Variants in AGBL4 observed in about 807,000 individuals in gnomAD.
The protein encoded by AGBL4 is cytosolic carboxypeptidase 6.
A neutral mutation model predicts 66.4 loss-of-function variants in AGBL4; 58 were observed. The observed-to-expected ratio is 0.87, with a 90% CI of 0.71 to 1.09. The LOEUF is 1.09. Ranked by LOEUF, AGBL4 falls within the 50% of genes least tolerant of loss-of-function variation. AGBL4 has a pLI of 0.00. For missense variants in AGBL4, 579 were observed against 631.0 expected, an observed-to-expected ratio of 0.92 and a Z score of 0.88; for synonymous variants, 234 against 222.9, an observed-to-expected ratio of 1.05 and a Z score of -0.44.
intron 4 of AGBL4, among the ~76,000 whole-genome samples, chr1:49,229,912 G>A (rs1650178998): frequency 7.4e-6 from 1 of 134,430 alleles, no homozygotes; most frequent in Admixed American, 7.4e-5. Context: ...TGCTGCAATG[G>A]GTGACTCACC....
Position 48,543,178 on chromosome 1 carries a change from G to A in AGBL4, c.1268-3440C>T, listed in dbSNP as rs1182180132. On this transcript the variant is annotated intron_variant, in intron 11 of 13. Transcript: ENST00000371839. ...TAATAAGTGGTAGGTTACCTTCCAC[G>A]TACTGAGAAACAAGACTCACACCCC... Among the ~76,000 whole-genome samples, 9 of 152,016 alleles carry A rather than the reference G, an allele frequency of 5.9e-5. No homozygotes were observed. In the South Asian group the frequency reaches 1.5e-3, roughly 25 times the overall value.
chr1:49,730,338 C>T (rs184312637), intron 2 of AGBL4, among the ~76,000 whole-genome samples: 9 of 152,270 alleles, frequency 5.9e-5, no homozygotes, highest in Middle Eastern at 3.4e-3. Flanking sequence ...CACCGAGCTG[C>T]GGATGGTGTG....
At chr1:49,320,079 A>G (rs186066643) in intron 3 of AGBL4, among the ~76,000 whole-genome samples, 9 of 152,080 alleles carry the variant, frequency 5.9e-5, no homozygotes, top group Admixed American at 2.0e-4. Context: ...CCACAGACGT[A>G]TACCACTACA....
At chr1:49,875,189 G>A (rs1043022351) in intron 1 of AGBL4, among the ~76,000 whole-genome samples, 1 of 147,440 alleles carries the variant, frequency 6.8e-6, no homozygotes, top group African/African-American at 2.5e-5. Context: ...AAGTTTTAGG[G>A]TACATGTGCA....
intron 3 of AGBL4, among the ~76,000 whole-genome samples, chr1:49,511,470 G>T (rs1437737843): frequency 1.9e-5 from 2 of 104,208 alleles, no homozygotes; most frequent in South Asian, 4.4e-4. Context: ...TGGGGGGAGG[G>T]GGGAGGGATA....
chr1:49,565,118 G>C (rs1644160481), intron 3 of AGBL4, among the ~76,000 whole-genome samples: 2 of 152,178 alleles, frequency 1.3e-5, no homozygotes, highest in Non-Finnish European at 1.5e-5. Context: ...TTCTGAGACA[G>C]GATTGCAACC....
chr1:49,290,474 A>G (rs1200961435), intron 3 of AGBL4, among the ~76,000 whole-genome samples: 2 of 152,214 alleles, frequency 1.3e-5, no homozygotes, highest in Non-Finnish European at 2.9e-5. Flanking sequence ...CCCAGCATCA[A>G]TGAGTCAGAG....
At chr1:49,224,118 G>A (rs577393220) in intron 4 of AGBL4, among the ~76,000 whole-genome samples, 2 of 152,248 alleles carry the variant, frequency 1.3e-5, no homozygotes, top group East Asian at 3.9e-4. Context: ...AGAAAATATT[G>A]GCTAAAGAGA....
chr1:48,678,346 A>G (rs1488628224), intron 6 of AGBL4, among the ~76,000 whole-genome samples: 1 of 152,152 alleles, frequency 6.6e-6, no homozygotes, highest in Non-Finnish European at 1.5e-5. Flanking sequence ...TTAGGACCAA[A>G]CTGGCTCCAC....
Position 48,634,567 on chromosome 1 carries a change from G to C in AGBL4, c.877C>G (p.Leu293Val). The C allele has an allele frequency of 1.2e-6, 2 of 1,605,700 alleles. No homozygotes were observed. The highest frequency in any genetic ancestry group is 1.7e-6 in the Non-Finnish European group (2 of 1,175,996). Residue 293 changes from leucine to valine, a missense_variant, in exon 9 of 14, where the codon CTG becomes GTG. Transcript: ENST00000371839. Reference protein sequence around the residue: ...LMGFDLNRHWLDPSPWVHPTL... With the variant: ...LMGFDLNRHWVDPSPWVHPTL... The stretch of plus-strand genomic sequence containing the variant: ...GGATGGACCCATGGAGAGGGATCCA[G>C]CCAGTGACGATTCAGATCAAATCCC...
intron 4 of AGBL4, among the ~76,000 whole-genome samples, chr1:49,241,710 AAG>A (rs1425362310): frequency 6.6e-6 from 1 of 152,052 alleles, no homozygotes; most frequent in Non-Finnish European, 1.5e-5. Context: ...GGAGGGAAGA[AAG>A]AGAGGAGGGA....
At chr1:49,106,773 C>T (rs1220412391) in intron 4 of AGBL4, among the ~76,000 whole-genome samples, 32 of 152,190 alleles carry the variant, frequency 2.1e-4, no homozygotes, top group Admixed American at 2.1e-3. Flanking sequence ...TGTTCCTCAA[C>T]TATCCTTTAA....
At chr1:49,111,355 G>T (rs901209552) in intron 4 of AGBL4, among the ~76,000 whole-genome samples, 1 of 152,198 alleles carries the variant, frequency 6.6e-6, no homozygotes, top group East Asian at 1.9e-4. Flanking sequence ...CTCCTGATCC[G>T]CCCGCCTTGG....
intron 3 of AGBL4, among the ~76,000 whole-genome samples, chr1:49,256,972 T>C (rs1433835195): frequency 6.6e-6 from 1 of 150,806 alleles, no homozygotes; most frequent in Non-Finnish European, 1.5e-5. Flanking sequence ...AAAACCCAAA[T>C]AGATTAGGAA....
chr1:48,864,807 A>G (rs1647834803), intron 6 of AGBL4, among the ~76,000 whole-genome samples: 1 of 152,120 alleles, frequency 6.6e-6, no homozygotes, highest in African/African-American at 2.4e-5. Context: ...GGAGTATAGA[A>G]TAGTCTCAGT....
At chr1:49,373,835 C>T (rs1644416800) in intron 3 of AGBL4, among the ~76,000 whole-genome samples, 1 of 152,072 alleles carries the variant, frequency 6.6e-6, no homozygotes, top group African/African-American at 2.4e-5. Flanking sequence ...TTTTCTTTTA[C>T]AGGTTTATAC....
intron 3 of AGBL4, among the ~76,000 whole-genome samples, chr1:49,278,757 A>C (rs1261968475): frequency 2.0e-5 from 3 of 152,148 alleles, no homozygotes; most frequent in Non-Finnish European, 4.4e-5. Context: ...GGACTGAAGA[A>C]GGAATCAGTC....
chr1:49,455,530 C>T (rs2148689002), intron 3 of AGBL4, among the ~76,000 whole-genome samples: 1 of 151,734 alleles, frequency 6.6e-6, no homozygotes, highest in Admixed American at 6.6e-5. Flanking sequence ...GAACAATTTC[C>T]TTACCATCTC....
intron 11 of AGBL4, among the ~76,000 whole-genome samples, chr1:48,542,523 C>G (rs980453536): frequency 6.6e-6 from 1 of 152,140 alleles, no homozygotes; most frequent in Non-Finnish European, 1.5e-5. Context: ...GACTTTTTAA[C>G]GATCGCCATT....
Sources: allele counts gnomAD v4.1 joint callset (sites outside exome capture counted in the v4.1 genomes callset), GRCh38; gene constraint gnomAD v4.1.1; transcripts MANE v1.5; gene names NCBI Gene and HGNC (gene_info 2026-07-23, HGNC 2026-07-21).